Variants in SLC2A13 observed in about 807,000 individuals in gnomAD.
SLC2A13 encodes the protein proton myo-inositol cotransporter.
In SLC2A13, 32 loss-of-function variants were observed where a neutral mutation model predicts 64.4. The ratio of observed to expected loss-of-function variants is 0.50; its 90% confidence interval spans 0.37 to 0.67. The LOEUF (loss-of-function observed/expected upper bound fraction) is 0.67. Among genes scored for constraint, SLC2A13 ranks in the 30% least tolerant of loss-of-function variants. The pLI is 0.00. For synonymous variants in SLC2A13, 338 were observed against 327.1 expected (o/e 1.03, Z -0.36); for missense variants, 743 against 829.2 (o/e 0.90, Z 1.28).
At chr12:39,878,098 G>A (rs963291412) in intron 4 of SLC2A13, among the ~76,000 whole-genome samples, 1 of 152,180 alleles carries the variant, frequency 6.6e-6, no homozygotes, top group Non-Finnish European at 1.5e-5. Context: ...CTAAGCAGAT[G>A]CCAGCACCAC....
Position 39,764,738 on chromosome 12 carries a change from A to G in SLC2A13, c.1566T>C (p.Pro522=). Residue 522 remains proline (P), a splice_region_variant and synonymous_variant, in exon 8 of 10, where the codon CCT becomes CCC. Coordinates refer to ENST00000280871, the MANE Select transcript of SLC2A13 (RefSeq NM_052885.4). ...CAGTATAACAAAGTCTTTGTTTACC[A>G]GGTGCAAAGAAGACAAGATATAAAA... ...GLILYLVFFA[P]GMGPMPWTVN... is the part of the protein sequence containing the mutation. 1.2e-6 allele frequency: 2 copies of G among 1,611,874 alleles called. No individual in the cohort carries two copies. Among genetic ancestry groups the G allele is most frequent in the East Asian group, 2.2e-5 (1 of 44,796 alleles).
chr12:39,923,518 T>C (rs956073458), intron 4 of SLC2A13, among the ~76,000 whole-genome samples: 2 of 152,094 alleles, frequency 1.3e-5, no homozygotes, highest in African/African-American at 4.8e-5. Context: ...TGGGGAGATA[T>C]TGTTTAATGT....
intron 6 of SLC2A13, among the ~76,000 whole-genome samples, chr12:39,864,204 T>C (rs1218256963): frequency 6.6e-6 from 1 of 152,242 alleles, no homozygotes; most frequent in Non-Finnish European, 1.5e-5. Flanking sequence ...TTTAATGAGC[T>C]CTTAGGCCTG....
At chr12:39,842,616 A>C (rs975663490) in intron 6 of SLC2A13, among the ~76,000 whole-genome samples, 1 of 151,948 alleles carries the variant, frequency 6.6e-6, no homozygotes, top group African/African-American at 2.4e-5. Flanking sequence ...ATTTTTAAAA[A>C]TTTTTTACTG....
chr12:40,015,240 C>T (rs958735075), intron 3 of SLC2A13, among the ~76,000 whole-genome samples: 5 of 151,420 alleles, frequency 3.3e-5, no homozygotes, highest in African/African-American at 1.2e-4. Flanking sequence ...GCCAAGGAGA[C>T]CTATGCAATT....
intron 4 of SLC2A13, among the ~76,000 whole-genome samples, chr12:39,895,358 C>A (rs550869217): frequency 6.6e-6 from 1 of 151,082 alleles, no homozygotes; most frequent in Non-Finnish European, 1.5e-5. Flanking sequence ...GGCTTGGTGG[C>A]AGGCACCTGT....
At chr12:39,869,050 C>T (rs554620234) in intron 5 of SLC2A13, among the ~76,000 whole-genome samples, 10 of 152,130 alleles carry the variant, frequency 6.6e-5, no homozygotes, top group East Asian at 3.9e-4. Flanking sequence ...GTTAAAAATT[C>T]GAGGCTATAG....
intron 1 of SLC2A13, among the ~76,000 whole-genome samples, chr12:40,085,994 A>G (rs772288006): frequency 2.6e-5 from 4 of 152,116 alleles, no homozygotes; most frequent in Non-Finnish European, 4.4e-5. Context: ...ACATGCCACC[A>G]TGCCCAGCTA....
chr12:39,859,380 T>C (rs1592213443), intron 6 of SLC2A13, among the ~76,000 whole-genome samples: 1 of 138,540 alleles, frequency 7.2e-6, no homozygotes, highest in South Asian at 2.4e-4. Context: ...TGGTTCTTAA[T>C]GGAAGATGTA....
intron 4 of SLC2A13, among the ~76,000 whole-genome samples, chr12:39,925,756 T>C (rs1220873484): frequency 6.6e-6 from 1 of 152,216 alleles, no homozygotes; most frequent in Non-Finnish European, 1.5e-5. Flanking sequence ...ACTGCCACTT[T>C]ATTTTCATTT....
At chr12:39,896,055 T>C (rs1592255222) in intron 4 of SLC2A13, among the ~76,000 whole-genome samples, 1 of 132,816 alleles carries the variant, frequency 7.5e-6, no homozygotes, top group Non-Finnish European at 1.6e-5. Flanking sequence ...CGCATGTATA[T>C]ATGCATACAT....
intron 7 of SLC2A13, among the ~76,000 whole-genome samples, chr12:39,825,486 C>T (rs765403552): frequency 1.2e-4 from 18 of 152,068 alleles, no homozygotes; most frequent in Non-Finnish European, 1.8e-4. Flanking sequence ...ACCTTCTAAG[C>T]GACACTATTC....
At chr12:40,002,630 C>T (rs756873196) in intron 3 of SLC2A13, among the ~76,000 whole-genome samples, 4 of 152,190 alleles carry the variant, frequency 2.6e-5, no homozygotes, top group Non-Finnish European at 5.9e-5. Context: ...CAGCACATGT[C>T]ATGAGCTAGG....
At chr12:39,860,594 G>T (rs759458376) in intron 6 of SLC2A13, among the ~76,000 whole-genome samples, 12 of 152,108 alleles carry the variant, frequency 7.9e-5, no homozygotes, top group Non-Finnish European at 1.0e-4. Flanking sequence ...AAAATTGCAC[G>T]CATGGTCTTA....
intron 2 of SLC2A13, among the ~76,000 whole-genome samples, chr12:40,031,772 G>C (rs1307998036): frequency 3.3e-5 from 5 of 152,154 alleles, no homozygotes; most frequent in African/African-American, 4.8e-5. Flanking sequence ...GTGCAGACTG[G>C]AGAATAGGAA....
intron 3 of SLC2A13, among the ~76,000 whole-genome samples, chr12:39,980,834 T>G (rs1310709178): frequency 3.9e-5 from 6 of 151,982 alleles, no homozygotes; most frequent in African/African-American, 1.5e-4. Context: ...CTAACAGACA[T>G]CTACAGAACT....
intron 4 of SLC2A13, among the ~76,000 whole-genome samples, chr12:39,918,938 G>A (rs10877782): frequency 0.66 from 98,626 of 149,624 alleles, 32,780 homozygotes; most frequent in East Asian, 0.8. Flanking sequence ...TTATACACGC[G>A]CACACACACA....
intron 3 of SLC2A13, among the ~76,000 whole-genome samples, chr12:39,986,892 T>G (rs1280533487): frequency 6.6e-6 from 1 of 152,178 alleles, no homozygotes; most frequent in Admixed American, 6.5e-5. Context: ...TGTGCCTAGA[T>G]TATGACTGTG....
intron 3 of SLC2A13, among the ~76,000 whole-genome samples, chr12:40,026,529 C>T (rs889016372): frequency 2.2e-4 from 33 of 152,188 alleles, no homozygotes; most frequent in African/African-American, 7.5e-4. Context: ...ACACCGTCAA[C>T]ACTGCATGGC....
Sources: gnomAD v4.1 joint callset for allele counts (sites outside exome capture counted in the v4.1 genomes callset) on GRCh38, gnomAD v4.1.1 for gene constraint, MANE v1.5 for transcripts, NCBI Gene and HGNC (gene_info 2026-07-23, HGNC 2026-07-21) for gene names.